The following CNTNAP2 variants were observed in gnomAD, a reference collection of about 807,000 sequenced individuals.
CNTNAP2 encodes contactin associated protein 2, also known as contactin-associated protein-like 2.
CNTNAP2 carries 98 observed loss-of-function variants against 155.2 expected under a neutral mutation model. The ratio of observed to expected loss-of-function variants is 0.63; its 90% CI spans 0.54 to 0.75. The LOEUF is 0.75. Among genes scored for constraint, CNTNAP2 ranks in the 30% least tolerant of loss-of-function variants. CNTNAP2 has a pLI of 0.00. For synonymous variants in CNTNAP2, 651 were observed against 631.2 expected (o/e 1.03, Z -0.47); for missense variants, 1,727 against 1,688.1 (o/e 1.02, Z -0.40).
At chr7:148,274,584 C>T (rs55956885) in intron 21 of CNTNAP2, among the ~76,000 whole-genome samples, 54,161 of 151,948 alleles carry the variant, frequency 0.36, 11,395 homozygotes, top group East Asian at 0.6. Flanking sequence ...TGTAGCACCT[C>T]CCCCCAACAC....
intron 18 of CNTNAP2, among the ~76,000 whole-genome samples, chr7:148,181,820 C>T (rs548435869): frequency 2.4e-5 from 3 of 122,564 alleles, no homozygotes; most frequent in African/African-American, 9.3e-5. Flanking sequence ...TTCAGTGGCA[C>T]AAACTCGGCT....
At position 147,060,450 on chromosome 7, in the gene CNTNAP2, C is replaced by T. The variant is rs570811071; in HGVS notation, c.550+16396C>T. 1.1e-4 allele frequency among the ~76,000 whole-genome samples: 17 copies of T among 152,250 alleles called. No individual in the cohort carries two copies. The South Asian group carries it at 2.9e-3, about 26-fold the overall frequency. ...GATTTCAAAATGTGCAGGCTGGGCA[C>T]GATGGCTCACGCATGTAATCCCAAC... On this transcript the variant is annotated intron_variant, in intron 4 of 23. Transcript: ENST00000361727.
At chr7:146,379,624 TCCTGTGTTAGGAGAA>T (rs1795353182) in intron 1 of CNTNAP2, among the ~76,000 whole-genome samples, 2 of 152,164 alleles carry the variant, frequency 1.3e-5, no homozygotes, top group Admixed American at 1.3e-4. Context: ...TGTTCACTCT[TCCTGTGTTAGGAGAA>T]CCAATATTGC....
intron 1 of CNTNAP2, among the ~76,000 whole-genome samples, chr7:146,624,666 T>C (rs1322317423): frequency 6.6e-6 from 1 of 151,966 alleles, no homozygotes; most frequent in East Asian, 1.9e-4. Flanking sequence ...GTAGCATGAG[T>C]CCTTCAGTTT....
intron 11 of CNTNAP2, among the ~76,000 whole-genome samples, chr7:147,503,684 TAA>T (rs35831748): frequency 7.9e-5 from 11 of 140,118 alleles, no homozygotes; most frequent in Middle Eastern, 7.4e-3. Context: ...TTCTCTTTTG[TAA>T]AAAAAAAAAA....
intron 10 of CNTNAP2, among the ~76,000 whole-genome samples, chr7:147,470,864 G>A (rs2116608284): frequency 6.6e-6 from 1 of 152,264 alleles, no homozygotes; most frequent in South Asian, 2.1e-4. Context: ...TCACCAAGAT[G>A]AGTACTAAGA....
At chr7:146,987,525 T>G (rs147980509) in intron 3 of CNTNAP2, among the ~76,000 whole-genome samples, 2,326 of 152,224 alleles carry the variant, frequency 0.015, 127 homozygotes, top group Admixed American at 0.11. Context: ...TTGGATGAAT[T>G]AATTGTTATT....
At chr7:147,030,490 T>G (rs958950348) in intron 3 of CNTNAP2, among the ~76,000 whole-genome samples, 8 of 152,248 alleles carry the variant, frequency 5.3e-5, no homozygotes, top group African/African-American at 1.9e-4. Flanking sequence ...GTTTTTCATA[T>G]TTTTATCAAG....
intron 9 of CNTNAP2, among the ~76,000 whole-genome samples, chr7:147,367,287 C>CACCT (rs1298829427): frequency 6.6e-6 from 1 of 152,176 alleles, no homozygotes; most frequent in Non-Finnish European, 1.5e-5. Context: ...TTCTAAAATG[C>CACCT]ACCTCTACAT....
intron 8 of CNTNAP2, among the ~76,000 whole-genome samples, chr7:147,221,915 T>C (rs1348435483): frequency 2.0e-5 from 3 of 152,190 alleles, no homozygotes; most frequent in Non-Finnish European, 1.5e-5. Flanking sequence ...CTCTACTCTT[T>C]TCTTGCTTGC....
chr7:146,493,820 T>C (rs1285180650), intron 1 of CNTNAP2, among the ~76,000 whole-genome samples: 1 of 152,126 alleles, frequency 6.6e-6, no homozygotes. Context: ...AAATTCACCA[T>C]GCATTTCAAT....
chr7:148,060,667 A>G (rs1315407941), intron 15 of CNTNAP2, among the ~76,000 whole-genome samples: 1 of 152,230 alleles, frequency 6.6e-6, no homozygotes, highest in Non-Finnish European at 1.5e-5. Flanking sequence ...TTAATAGTTA[A>G]TAGACAAGGT....
chr7:146,232,358 CAT>C (rs1302466165), intron 1 of CNTNAP2, among the ~76,000 whole-genome samples: 2 of 151,488 alleles, frequency 1.3e-5, no homozygotes, highest in Non-Finnish European at 2.9e-5. Flanking sequence ...TTTTTCATGA[CAT>C]AGTTTTTCCT....
chr7:148,260,610 A>G (rs1352297267), intron 20 of CNTNAP2, among the ~76,000 whole-genome samples: 1 of 152,230 alleles, frequency 6.6e-6, no homozygotes, highest in African/African-American at 2.4e-5. Flanking sequence ...TGGGGTGATA[A>G]ATAGAAGCAT....
chr7:147,488,131 C>T (rs1314089122), intron 11 of CNTNAP2, among the ~76,000 whole-genome samples: 1 of 152,218 alleles, frequency 6.6e-6, no homozygotes, highest in East Asian at 1.9e-4. Context: ...TTGATACAGT[C>T]TTACTTATCC....
intron 1 of CNTNAP2, among the ~76,000 whole-genome samples, chr7:146,664,899 T>C (rs1202124107): frequency 6.6e-6 from 1 of 152,202 alleles, no homozygotes; most frequent in Non-Finnish European, 1.5e-5. Context: ...ATCCAAGTTG[T>C]TGAATTTGGG....
chr7:146,267,435 A>G (rs1800013530), intron 1 of CNTNAP2, among the ~76,000 whole-genome samples: 1 of 152,192 alleles, frequency 6.6e-6, no homozygotes, highest in South Asian at 2.1e-4. Context: ...GATCCTAGAT[A>G]TTATAAAAAA....
intron 8 of CNTNAP2, among the ~76,000 whole-genome samples, chr7:147,295,379 G>T (rs1393644231): frequency 1.3e-5 from 2 of 152,038 alleles, no homozygotes; most frequent in Non-Finnish European, 2.9e-5. Context: ...TGTGGTTCTT[G>T]TTTATTTGTT....
intron 13 of CNTNAP2, among the ~76,000 whole-genome samples, chr7:147,663,077 C>A (rs1336874305): frequency 6.6e-6 from 1 of 152,192 alleles, no homozygotes; most frequent in African/African-American, 2.4e-5. Flanking sequence ...CGGCTCACTG[C>A]AACCTCCACT....
Sources: allele counts gnomAD v4.1 joint callset (sites outside exome capture counted in the v4.1 genomes callset), GRCh38; gene constraint gnomAD v4.1.1; transcripts MANE v1.5; gene names NCBI Gene and HGNC (gene_info 2026-07-23, HGNC 2026-07-21).